IQCH: variants seen among roughly 807,000 people sequenced by gnomAD.
The protein encoded by IQCH is IQ motif containing H, also known as IQ domain-containing protein H.
In IQCH, 98 loss-of-function variants were observed where a neutral mutation model predicts 117.0. The ratio of observed to expected loss-of-function variants is 0.84; its 90% CI spans 0.71 to 0.99. The LOEUF is 0.99. Among genes scored for constraint, IQCH ranks in the 50% least tolerant of loss-of-function variants. The pLI, the probability that IQCH is intolerant of heterozygous loss-of-function variation, is 0.00. For synonymous variants in IQCH, 412 were observed against 448.2 expected (o/e 0.92, Z 1.02); for missense variants, 1,102 against 1,243.8 (o/e 0.89, Z 1.72).
chr15:67,397,869 C>T (rs1334823289), intron 13 of IQCH, among the ~76,000 whole-genome samples: 1 of 152,126 alleles, frequency 6.6e-6, no homozygotes, highest in Non-Finnish European at 1.5e-5. Context: ...TGAGCATTTC[C>T]TGTTTTGATC....
chr15:67,500,916 A>T lies in IQCH; in HGVS notation c.*170A>T. On this transcript the variant is annotated 3_prime_UTR_variant, in exon 21 of 21. Coordinates refer to ENST00000335894, the MANE Select transcript of IQCH (RefSeq NM_001031715.3). The surrounding 1 kb of genome is among the most constrained non-coding windows in gnomAD (Gnocchi z 4.4). ...TTTTTAAAACATTGTTTATTAAGTG[A>T]TCTTATTTTATTTATTAAACCAAAA... 5.0e-6 allele frequency: 2 copies of T among 397,936 alleles called. No individual in the cohort carries two copies. Among genetic ancestry groups the T allele is most frequent in the Non-Finnish European group, 9.2e-6 (2 of 216,922 alleles). The allele number at this position is 397,936 out of a possible 1,614,324, so 24.7% of individuals were successfully genotyped here.
chr15:67,323,820 A>G (rs545137719), intron 4 of IQCH, among the ~76,000 whole-genome samples: 10 of 151,818 alleles, frequency 6.6e-5, no homozygotes, highest in Admixed American at 2.0e-4. Context: ...TAAATAGCCA[A>G]TTGTCTTTGA....
At chr15:67,483,240 G>T (rs1171515328) in intron 18 of IQCH, among the ~76,000 whole-genome samples, 3 of 152,208 alleles carry the variant, frequency 2.0e-5, no homozygotes, top group African/African-American at 7.2e-5. Context: ...GAACAGAAGG[G>T]CCAGGCACAG....
chr15:67,258,400 A>G (rs1409902927), intron 1 of IQCH, among the ~76,000 whole-genome samples: 2 of 151,720 alleles, frequency 1.3e-5, no homozygotes, highest in Non-Finnish European at 2.9e-5. Context: ...GCGTGGTGGC[A>G]TGCTCTTATA....
chr15:67,380,639 G>T (rs1390786199), intron 10 of IQCH, among the ~76,000 whole-genome samples: 1 of 152,130 alleles, frequency 6.6e-6, no homozygotes, highest in Non-Finnish European at 1.5e-5. Context: ...TCTACCATTA[G>T]AATACCAAAG....
intron 6 of IQCH, among the ~76,000 whole-genome samples, chr15:67,349,170 A>G (rs1969539131): frequency 6.6e-6 from 1 of 152,270 alleles, no homozygotes; most frequent in Admixed American, 6.5e-5. Flanking sequence ...GAAGAAAACA[A>G]AGGGGAAAAT....
rs2083261356 is a variant in IQCH at position 67,478,514 on chromosome 15, G to C, written c.2799+2696G>C. ...AAAATGAGAGAGAAGAAGAAATATA[G>C]ATTGGGGCAACAGATGATGAAACAA... On this transcript the variant is annotated intron_variant, in intron 18 of 20. Transcript: ENST00000335894. Among the ~76,000 whole-genome samples the C allele has an allele frequency of 2.0e-5, 3 of 152,040 alleles. No individual in the cohort carries two copies. In the South Asian group the frequency reaches 6.2e-4, roughly 32 times the overall value.
chr15:67,413,814 T>G lies in IQCH; in HGVS notation c.2098-3117T>G, dbSNP rs982983618. 1.3e-5 allele frequency among the ~76,000 whole-genome samples: 2 copies of G among 152,150 alleles called. No homozygotes were observed. On this transcript the variant is annotated intron_variant, in intron 14 of 20. Transcript: ENST00000335894. This position sits in a 1 kb window ranked among gnomAD's most constrained non-coding sequence, Gnocchi z 5.0. Reference sequence around the variant, plus strand: ...ACCTCTCATGGTAGGACACGATTACTCCTCCAGATTCCAGCAGCCGACTTT... The same window carrying G: ...ACCTCTCATGGTAGGACACGATTACGCCTCCAGATTCCAGCAGCCGACTTT...
rs968459053 is a variant in IQCH at position 67,491,207 on chromosome 15, C to T, written c.2861+1143C>T. ...CCTCAGTCCCTCCCTCCCCAACCTC[C>T]CCTACACCCTACTATGGTCAGTCTC... On this transcript the variant is annotated intron_variant, in intron 19 of 20. Transcript: ENST00000335894. The surrounding 1 kb of genome is among the most constrained non-coding windows in gnomAD (Gnocchi z 4.9). Among the ~76,000 whole-genome samples, 1 of 152,040 alleles carries T rather than the reference C, an allele frequency of 6.6e-6. No individual in the cohort carries two copies. The highest frequency in any genetic ancestry group is 6.5e-5 in the Admixed American group (1 of 15,276).
Position 67,424,741 on chromosome 15 carries a change from T to C in IQCH, c.2505+3164T>C, listed in dbSNP as rs1369433317. On this transcript the variant is annotated intron_variant, in intron 16 of 20. Coordinates refer to ENST00000335894, the MANE Select transcript of IQCH (RefSeq NM_001031715.3). The surrounding 1 kb of genome is among the most constrained non-coding windows in gnomAD (Gnocchi z 4.9). Reference sequence around the variant, plus strand: ...TCATACTATGAATTTTCCTTGTCCCTTCCCATAAATACTTCAGTATATGAT... The same window carrying C: ...TCATACTATGAATTTTCCTTGTCCCCTCCCATAAATACTTCAGTATATGAT... Among the ~76,000 whole-genome samples, 1 of 152,224 alleles carries C rather than the reference T, an allele frequency of 6.6e-6. No homozygotes were observed. The highest frequency in any genetic ancestry group is 1.5e-5 in the Non-Finnish European group (1 of 68,042).
Position 67,404,966 on chromosome 15 carries a change from C to T in IQCH, c.2097+4661C>T, listed in dbSNP as rs1971828171. Reference sequence around the variant, plus strand: ...AAAAAGATAGTACCAATTTCCAAAGCAACTGGCAGAGAATAAGAATACTAG... The same window carrying T: ...AAAAAGATAGTACCAATTTCCAAAGTAACTGGCAGAGAATAAGAATACTAG... On this transcript the variant is annotated intron_variant, in intron 14 of 20. Transcript: ENST00000335894. The surrounding 1 kb of genome is among the most constrained non-coding windows in gnomAD (Gnocchi z 4.6). 6.6e-6 allele frequency: 1 copy of T among 152,174 alleles called. No individual in the cohort carries two copies. The highest frequency in any genetic ancestry group is 1.5e-5 in the Non-Finnish European group (1 of 68,036). The allele number at this position is 152,174 out of a possible 1,614,324, so 9.4% of individuals were successfully genotyped here. A position where few individuals can be genotyped will look rare whatever the true frequency, so the allele number is the denominator to read the frequency against.
At chr15:67,397,777 C>CA (rs1971518138) in intron 13 of IQCH, among the ~76,000 whole-genome samples, 2 of 3,782 alleles carry the variant, frequency 5.3e-4, no homozygotes, top group Non-Finnish European at 8.1e-3. Context: ...CAGATAGACT[C>CA]AAACAAAAAT....
intron 19 of IQCH, among the ~76,000 whole-genome samples, chr15:67,492,601 C>A (rs978238449): frequency 6.6e-6 from 1 of 152,146 alleles, no homozygotes; most frequent in Non-Finnish European, 1.5e-5. Flanking sequence ...AGAGAGGAGG[C>A]CACTTTTGGA....
chr15:67,435,677 AGCCTGGCCAACATGGT>A (rs1226623231), intron 16 of IQCH, among the ~76,000 whole-genome samples: 26 of 152,098 alleles, frequency 1.7e-4, no homozygotes, highest in Non-Finnish European at 1.0e-4. Context: ...GTTCGGGATC[AGCCTGGCCAACATGGT>A]GAAACCCCAT....
intron 9 of IQCH, 66 bp downstream of exon 9, chr15:67,372,728 T>A: frequency 1.5e-6 from 2 of 1,368,498 alleles, no homozygotes; most frequent in Non-Finnish European, 2.0e-6. Flanking sequence ...TGAGCGGTTG[T>A]AATAAGTTGT....
At position 67,385,658 on chromosome 15, in the gene IQCH, G is replaced by A. The variant is rs975664662; in HGVS notation, c.1456+639G>A. 6.6e-6 allele frequency among the ~76,000 whole-genome samples: 1 copy of A among 152,136 alleles called. No individual in the cohort carries two copies. The highest frequency in any genetic ancestry group is 1.5e-5 in the Non-Finnish European group (1 of 68,026). ...CCAGGAGAGAAGGATGCCTGAATGT[G>A]ATAGCTTTGGTTGACACTGTTCAAG... On this transcript the variant is annotated intron_variant, in intron 11 of 20. Coordinates refer to ENST00000335894, the MANE Select transcript of IQCH (RefSeq NM_001031715.3). The surrounding 1 kb of genome is among the most constrained non-coding windows in gnomAD (Gnocchi z 4.6).
rs1971358770 is a variant in IQCH at position 67,393,572 on chromosome 15, G to A, written c.1633-1719G>A. Among the ~76,000 whole-genome samples the A allele has an allele frequency of 6.6e-6, 1 of 152,098 alleles. No homozygotes were observed. The highest frequency in any genetic ancestry group is 2.4e-5 in the African/African-American group (1 of 41,404). On this transcript the variant is annotated intron_variant, in intron 12 of 20. Coordinates refer to ENST00000335894, the MANE Select transcript of IQCH (RefSeq NM_001031715.3). This position sits in a 1 kb window ranked among gnomAD's most constrained non-coding sequence, Gnocchi z 5.5. ...GTCTTATTGTGTCACCCAGGCTGGAGTGCAGTGGCATGATCTCGGTTCACT... is the reference window on the plus strand; with the variant it reads ...GTCTTATTGTGTCACCCAGGCTGGAATGCAGTGGCATGATCTCGGTTCACT...
intron 1 of IQCH, among the ~76,000 whole-genome samples, chr15:67,259,582 T>A (rs1172166317): frequency 6.6e-6 from 1 of 152,182 alleles, no homozygotes; most frequent in African/African-American, 2.4e-5. Context: ...ACAAGGCAGG[T>A]GAAAAGAAAA....
chr15:67,450,576 C>G (rs1210880987), intron 16 of IQCH, among the ~76,000 whole-genome samples: 1 of 152,162 alleles, frequency 6.6e-6, no homozygotes, highest in Non-Finnish European at 1.5e-5. Context: ...ATGAAGCCCA[C>G]TTGATCATGG....
Sources: gnomAD v4.1 joint callset for allele counts (sites outside exome capture counted in the v4.1 genomes callset) on GRCh38, gnomAD v4.1.1 for gene constraint, Gnocchi (gnomAD v3.1) non-coding constraint, MANE v1.5 for transcripts, NCBI Gene and HGNC (gene_info 2026-07-23, HGNC 2026-07-21) for gene names.